Variants in MOB1B observed in about 807,000 individuals in gnomAD.
The protein encoded by MOB1B is MOB kinase activator 1B, also known as MOB1 Mps One Binder homolog B.
MOB1B carries 19 observed loss-of-function variants against 24.4 expected under a neutral mutation model. The ratio of observed to expected loss-of-function variants is 0.78; its 90% CI spans 0.54 to 1.14. The LOEUF is 1.14. Among genes scored for constraint, MOB1B ranks in the 50% most tolerant of loss-of-function variants. The pLI is 0.00. For synonymous variants in MOB1B, 76 were observed against 82.1 expected (o/e 0.93, Z 0.40); for missense variants, 243 against 259.6 (o/e 0.94, Z 0.44).
intron 1 of MOB1B, among the ~76,000 whole-genome samples, chr4:70,916,405 T>C (rs1225184616): frequency 6.6e-6 from 1 of 152,210 alleles, no homozygotes; most frequent in African/African-American, 2.4e-5. Context: ...GAGAATACAG[T>C]GCACGAGAGA....
rs749241746 is a variant in MOB1B, at chr4:70,958,864, C to A, written c.15-10C>A. ...ATATTAAACCCTTTTTTTTTCTTTTCTATTCATAGTGGTAGTCGCTCTTCT... is the reference window on the plus strand; with the variant it reads ...ATATTAAACCCTTTTTTTTTCTTTTATATTCATAGTGGTAGTCGCTCTTCT... On this transcript the variant is annotated splice_polypyrimidine_tract_variant and intron_variant, in intron 1 of 5. Coordinates refer to ENST00000309395, the MANE Select transcript of MOB1B (RefSeq NM_173468.4). 1 of 1,581,484 alleles carries A rather than the reference C, an allele frequency of 6.3e-7. No individual in the cohort carries two copies. The highest frequency in any genetic ancestry group is 8.6e-7 in the Non-Finnish European group (1 of 1,168,618).
chr4:70,942,268 A>G (rs1737376950), intron 1 of MOB1B, among the ~76,000 whole-genome samples: 1 of 152,056 alleles, frequency 6.6e-6, no homozygotes, highest in South Asian at 2.1e-4. Context: ...GGTAATATTA[A>G]AGTGGTCTAT....
At chr4:70,919,173 G>A (rs1317021843) in intron 1 of MOB1B, among the ~76,000 whole-genome samples, 8 of 151,936 alleles carry the variant, frequency 5.3e-5, no homozygotes, top group Admixed American at 1.3e-4. Context: ...TGGGGGGAGC[G>A]GGGAGGGATA....
At chr4:70,923,354 T>C (rs1340525604) in intron 1 of MOB1B, among the ~76,000 whole-genome samples, 1 of 152,098 alleles carries the variant, frequency 6.6e-6, no homozygotes, top group Non-Finnish European at 1.5e-5. Flanking sequence ...CTGATGTCTC[T>C]GACCTTAGGT....
intron 1 of MOB1B, among the ~76,000 whole-genome samples, chr4:70,946,112 A>G (rs1377277684): frequency 2.1e-5 from 3 of 142,320 alleles, no homozygotes; most frequent in South Asian, 2.2e-4. Context: ...TTTTTGGCCA[A>G]AGTTTAAGTA....
intron 1 of MOB1B, among the ~76,000 whole-genome samples, chr4:70,906,273 G>T (rs1323218399): frequency 6.6e-6 from 1 of 152,106 alleles, no homozygotes; most frequent in African/African-American, 2.4e-5. Flanking sequence ...AGTTACATGG[G>T]AGACTGAGTA....
At chr4:70,936,409 G>A (rs1330334096) in intron 1 of MOB1B, among the ~76,000 whole-genome samples, 3 of 152,112 alleles carry the variant, frequency 2.0e-5, no homozygotes, top group Non-Finnish European at 4.4e-5. Context: ...AAAACTTTCA[G>A]CAAAACACTA....
chr4:70,986,194 G>A lies in MOB1B; in HGVS notation c.*4137G>A, dbSNP rs1350277906. On this transcript the variant is annotated 3_prime_UTR_variant, in exon 6 of 6. Transcript: ENST00000309395. ...TAACTACTGTAGGATAGTATTGATT[G>A]AATGGATACTATGGAAAAGTGGATC... 2 of 152,098 alleles carry A rather than the reference G, an allele frequency of 1.3e-5. No individual in the cohort carries two copies. The highest frequency in any genetic ancestry group is 2.1e-4 in the South Asian group (1 of 4,826). 9.4% of individuals were successfully genotyped at this position (152,098 alleles called of 1,614,324 possible).
intron 2 of MOB1B, 81 bp from the exon 3 acceptor site, chr4:70,969,850 C>T (rs1248598497): frequency 2.0e-5 from 15 of 744,998 alleles, no homozygotes; most frequent in Non-Finnish European, 3.4e-5. Flanking sequence ...CGCCAATAAG[C>T]CTATTCTGTT....
At position 70,984,038 on chromosome 4, in the gene MOB1B, T is replaced by C. The variant is rs778678541; in HGVS notation, c.*1981T>C. 6.6e-6 allele frequency: 1 copy of C among 152,570 alleles called. No homozygotes were observed. The highest frequency in any genetic ancestry group is 1.5e-5 in the Non-Finnish European group (1 of 67,970). 9.5% of individuals were successfully genotyped at this position (152,570 alleles called of 1,614,324 possible). On this transcript the variant is annotated 3_prime_UTR_variant, in exon 6 of 6. Transcript: ENST00000309395. ...CTTCCATATTGTATTTGACTTCATA[T>C]CAATCTAGTAAAAAAGGAGTTGCAA... is the stretch of plus-strand genomic sequence containing the variant.
chr4:70,966,931 G>T (rs868039232), intron 2 of MOB1B, among the ~76,000 whole-genome samples: 1 of 151,772 alleles, frequency 6.6e-6, no homozygotes, highest in Non-Finnish European at 1.5e-5. Flanking sequence ...AAAAAAAATC[G>T]TATCACAACA....
intron 1 of MOB1B, among the ~76,000 whole-genome samples, chr4:70,947,447 T>C (rs2219743): frequency 0.077 from 11,613 of 151,264 alleles, 958 homozygotes; most frequent in African/African-American, 0.2. Context: ...TAGGTTTTTT[T>C]CCCCCCCGCC....
intron 1 of MOB1B, among the ~76,000 whole-genome samples, chr4:70,904,337 T>C (rs1735653181): frequency 6.6e-6 from 1 of 152,148 alleles, no homozygotes; most frequent in African/African-American, 2.4e-5. Context: ...ACTTGAAGCT[T>C]CTCATCTTGA....
In MOB1B at chr4:70,969,913, C is replaced by G; in HGVS notation, c.182-18C>G. On this transcript the variant is annotated intron_variant, in intron 2 of 5. Coordinates refer to ENST00000309395, the MANE Select transcript of MOB1B (RefSeq NM_173468.4). Reference sequence around the variant, plus strand: ...TTTAGCCATTCTGTTTTACTTACAACTGATACTTGCTTTACAGCTGTGGAT... The same window carrying G: ...TTTAGCCATTCTGTTTTACTTACAAGTGATACTTGCTTTACAGCTGTGGAT... 1 of 1,451,994 alleles carries G rather than the reference C, an allele frequency of 6.9e-7. No individual in the cohort carries two copies. Among genetic ancestry groups the G allele is most frequent in the Non-Finnish European group, 9.6e-7 (1 of 1,043,488 alleles). 89.9% of individuals were successfully genotyped at this position (1,451,994 alleles called of 1,614,324 possible).
chr4:70,952,439 C>T (rs1207919902), intron 1 of MOB1B, among the ~76,000 whole-genome samples: 3 of 151,526 alleles, frequency 2.0e-5, no homozygotes, highest in East Asian at 1.9e-4. Flanking sequence ...GTCAGGAGAT[C>T]GAGACCATCC....
At chr4:70,977,698 A>G (rs10021793) in intron 4 of MOB1B, among the ~76,000 whole-genome samples, 1 of 148,788 alleles carries the variant, frequency 6.7e-6, no homozygotes, top group East Asian at 2.0e-4. Flanking sequence ...CTTCTTTTAA[A>G]TTTTTTTTTT....
chr4:70,969,175 A>G (rs748787016), intron 2 of MOB1B, among the ~76,000 whole-genome samples: 3 of 152,190 alleles, frequency 2.0e-5, no homozygotes, highest in African/African-American at 2.4e-5. Flanking sequence ...TCCGTCACGC[A>G]GGCTGAAGTG....
At chr4:70,937,342 G>T (rs148998946) in intron 1 of MOB1B, among the ~76,000 whole-genome samples, 1 of 151,790 alleles carries the variant, frequency 6.6e-6, no homozygotes, top group Non-Finnish European at 1.5e-5. Flanking sequence ...ATCCTCTGGC[G>T]TGGATCTATT....
At chr4:70,917,374 GT>G in intron 1 of MOB1B, among the ~76,000 whole-genome samples, 1 of 152,152 alleles carries the variant, frequency 6.6e-6, no homozygotes, top group Non-Finnish European at 1.5e-5. Context: ...AAAGATAAGA[GT>G]TTCATGATAG....
Sources: gnomAD v4.1 joint callset for allele counts (sites outside exome capture counted in the v4.1 genomes callset) on GRCh38, gnomAD v4.1.1 for gene constraint, MANE v1.5 for transcripts, NCBI Gene and HGNC (gene_info 2026-07-23, HGNC 2026-07-21) for gene names.